Variants in AGBL4 observed in about 807,000 individuals in gnomAD.
AGBL4 encodes the protein cytosolic carboxypeptidase 6.
AGBL4 carries 58 observed loss-of-function variants against 66.4 expected under a neutral mutation model. The observed-to-expected ratio is 0.87, with a 90% CI of 0.71 to 1.09. The LOEUF is 1.09. Among genes scored for constraint, AGBL4 ranks in the 50% least tolerant of loss-of-function variants. The probability of loss-of-function intolerance (pLI) is 0.00; values close to 1 mark genes in which losing one functional copy is unlikely to be tolerated. For missense variants in AGBL4, 579 were observed against 631.0 expected (o/e 0.92, Z 0.88); for synonymous variants, 234 against 222.9 (o/e 1.05, Z -0.44).
intron 3 of AGBL4, among the ~76,000 whole-genome samples, chr1:49,412,954 C>T (rs955826590): frequency 2.0e-5 from 3 of 152,128 alleles, no homozygotes; most frequent in Non-Finnish European, 2.9e-5. Flanking sequence ...AATGTCAAAT[C>T]CTGGCAGTCC....
intron 1 of AGBL4, among the ~76,000 whole-genome samples, chr1:49,913,405 C>A (rs1651052432): frequency 6.6e-6 from 1 of 152,262 alleles, no homozygotes; most frequent in Non-Finnish European, 1.5e-5. Context: ...TGAAGAATAA[C>A]CTCCATTGAC....
At chr1:49,809,554 T>C (rs1645053121) in intron 2 of AGBL4, among the ~76,000 whole-genome samples, 1 of 152,152 alleles carries the variant, frequency 6.6e-6, no homozygotes, top group Non-Finnish European at 1.5e-5. Context: ...TGTAACCAAA[T>C]AGTTTATTGT....
Position 49,119,648 on chromosome 1 carries a change from G to A in AGBL4, c.378-73848C>T, listed in dbSNP as rs12072821. Among the ~76,000 whole-genome samples, 315 of 152,318 alleles carry A rather than the reference G, an allele frequency of 2.1e-3. 5 individuals are homozygous for A. Among genetic ancestry groups the A allele is most frequent in the African/African-American group, 7.0e-3 (292 of 41,564 alleles). ...TGGTCAATTTTCGAATAAGTGTTATGTGGTGCTGAGAAGAATGTATATTCT... is the reference window on the plus strand; with the variant it reads ...TGGTCAATTTTCGAATAAGTGTTATATGGTGCTGAGAAGAATGTATATTCT... On this transcript the variant is annotated intron_variant, in intron 4 of 13. Transcript: ENST00000371839.
chr1:49,422,853 C>T (rs1286664929), intron 3 of AGBL4, among the ~76,000 whole-genome samples: 3 of 152,296 alleles, frequency 2.0e-5, no homozygotes, highest in African/African-American at 7.2e-5. Flanking sequence ...TGTCACAGCA[C>T]AATTACCCTT....
At chr1:48,705,834 A>G (rs1371532949) in intron 6 of AGBL4, among the ~76,000 whole-genome samples, 1 of 148,286 alleles carries the variant, frequency 6.7e-6, no homozygotes, top group African/African-American at 2.4e-5. Context: ...GTTGATAAAA[A>G]GCAAAATTTA....
chr1:49,029,709 C>CCCT (rs1664050254), intron 5 of AGBL4, among the ~76,000 whole-genome samples: 1 of 152,140 alleles, frequency 6.6e-6, no homozygotes. Context: ...ATGCATGGCA[C>CCCT]CATGTATAGC....
At chr1:49,368,904 T>C (rs994440190) in intron 3 of AGBL4, among the ~76,000 whole-genome samples, 2 of 151,452 alleles carry the variant, frequency 1.3e-5, no homozygotes, top group African/African-American at 4.9e-5. Context: ...GCAAAACCCA[T>C]CTCTAATAAA....
chr1:48,548,655 A>G (rs920954142), intron 11 of AGBL4, among the ~76,000 whole-genome samples: 1 of 151,248 alleles, frequency 6.6e-6, no homozygotes, highest in Non-Finnish European at 1.5e-5. Flanking sequence ...CATACTTCTC[A>G]CTCCCTGCAG....
rs1420477558 is a variant in AGBL4 at position 48,891,749 on chromosome 1, C to G, written c.595-24519G>C. On this transcript the variant is annotated intron_variant, in intron 5 of 13. Coordinates refer to ENST00000371839, the MANE Select transcript of AGBL4 (RefSeq NM_032785.4). ...ACAGGCACTACATGGGAACTTCACTCTACTCCCAGCTGAGTATGAGGATTT... is the reference window on the plus strand; with the variant it reads ...ACAGGCACTACATGGGAACTTCACTGTACTCCCAGCTGAGTATGAGGATTT... 2.0e-5 allele frequency among the ~76,000 whole-genome samples: 3 copies of G among 152,296 alleles called. No individual in the cohort carries two copies. In the East Asian group the frequency reaches 5.8e-4, roughly 29 times the overall value.
intron 3 of AGBL4, among the ~76,000 whole-genome samples, chr1:49,461,271 A>T (rs1277440369): frequency 2.6e-5 from 4 of 151,542 alleles, no homozygotes; most frequent in Non-Finnish European, 5.9e-5. Flanking sequence ...CATAGTCCCA[A>T]ACTTCTTGCA....
At chr1:48,998,954 G>A (rs1230323683) in intron 5 of AGBL4, among the ~76,000 whole-genome samples, 3 of 152,186 alleles carry the variant, frequency 2.0e-5, no homozygotes, top group African/African-American at 4.8e-5. Flanking sequence ...AGTCCCACAT[G>A]TACCCAGAAG....
intron 3 of AGBL4, among the ~76,000 whole-genome samples, chr1:49,459,067 T>C (rs1443102804): frequency 6.6e-6 from 1 of 151,498 alleles, no homozygotes; most frequent in East Asian, 1.9e-4. Context: ...TTTCTTTTAT[T>C]TCTTGTTAAT....
At chr1:49,801,479 T>C (rs898312030) in intron 2 of AGBL4, among the ~76,000 whole-genome samples, 1 of 152,208 alleles carries the variant, frequency 6.6e-6, no homozygotes. Flanking sequence ...ACTATGTTTG[T>C]GATTATATTG....
intron 1 of AGBL4, among the ~76,000 whole-genome samples, chr1:49,948,568 T>G (rs1369450127): frequency 0.02 from 1,427 of 70,454 alleles, 19 homozygotes; most frequent in Middle Eastern, 0.06. Context: ...TATAAAAATA[T>G]ATATATATAT....
Position 49,620,205 on chromosome 1 carries a change from A to G in AGBL4, c.282+77108T>C, listed in dbSNP as rs570683285. Among the ~76,000 whole-genome samples the G allele has an allele frequency of 5.3e-5, 8 of 152,274 alleles. No homozygotes were observed. The South Asian group carries it at 1.7e-3, about 32-fold the overall frequency. On this transcript the variant is annotated intron_variant, in intron 3 of 13. Coordinates refer to ENST00000371839, the MANE Select transcript of AGBL4 (RefSeq NM_032785.4). ...AGGCAACCTGCAGAATGGGAGAAAA[A>G]TCTTGCAATCTATCCATCTGACAAA...
chr1:49,576,076 G>A (rs1644430748), intron 3 of AGBL4, among the ~76,000 whole-genome samples: 1 of 152,226 alleles, frequency 6.6e-6, no homozygotes, highest in Non-Finnish European at 1.5e-5. Flanking sequence ...CTAGGGTACA[G>A]TAGTCTGGGG....
At chr1:48,841,914 T>C (rs1646814661) in intron 6 of AGBL4, among the ~76,000 whole-genome samples, 1 of 152,180 alleles carries the variant, frequency 6.6e-6, no homozygotes, top group African/African-American at 2.4e-5. Flanking sequence ...TGTAATTGCT[T>C]TTGGGCACAT....
chr1:48,787,374 C>T (rs994332537), intron 6 of AGBL4, among the ~76,000 whole-genome samples: 1 of 152,152 alleles, frequency 6.6e-6, no homozygotes, highest in Admixed American at 6.5e-5. Flanking sequence ...AACAAGCACC[C>T]TGGAGTTCAT....
chr1:48,807,731 A>G (rs1465173426), intron 6 of AGBL4, among the ~76,000 whole-genome samples: 2 of 152,196 alleles, frequency 1.3e-5, no homozygotes, highest in African/African-American at 2.4e-5. Flanking sequence ...ATTCTTGCAC[A>G]CATCTGCATA....
Sources: gnomAD v4.1 joint callset for allele counts (sites outside exome capture counted in the v4.1 genomes callset) on GRCh38, gnomAD v4.1.1 for gene constraint, MANE v1.5 for transcripts, NCBI Gene and HGNC (gene_info 2026-07-23, HGNC 2026-07-21) for gene names.